The following MDGA2 variants were observed in gnomAD, a reference collection of about 807,000 sequenced individuals.
MDGA2 encodes the protein MAM domain-containing glycosylphosphatidylinositol anchor protein 2.
Under a neutral mutation model 117.8 loss-of-function variants are expected in MDGA2, and 40 were observed. The observed-to-expected ratio is 0.34, with a 90% confidence interval of 0.26 to 0.44. The LOEUF (loss-of-function observed/expected upper bound fraction) is 0.44, where lower values mean the gene tolerates loss of function less well. Among genes scored for constraint, MDGA2 ranks in the 20% least tolerant of loss-of-function variants. The pLI, the probability that MDGA2 is intolerant of heterozygous loss-of-function variation, is 1.00. For missense variants in MDGA2, 1,123 were observed against 1,250.6 expected, an observed-to-expected ratio of 0.90 and a Z score of 1.54; for synonymous variants, 452 against 439.0, an observed-to-expected ratio of 1.03 and a Z score of -0.37.
chr14:47,100,479 T>C (rs771223277), intron 5 of MDGA2, among the ~76,000 whole-genome samples: 8 of 152,180 alleles, frequency 5.3e-5, no homozygotes, highest in African/African-American at 1.4e-4. Flanking sequence ...TGGAAGGTCA[T>C]AGAGGTCATA....
At chr14:47,491,805 A>C (rs930924886) in intron 1 of MDGA2, among the ~76,000 whole-genome samples, 10 of 152,202 alleles carry the variant, frequency 6.6e-5, no homozygotes, top group African/African-American at 1.9e-4. Flanking sequence ...TCTGATTGAA[A>C]AAAAAAAGAC....
intron 1 of MDGA2, among the ~76,000 whole-genome samples, chr14:47,437,673 C>A (rs1892925518): frequency 6.6e-6 from 1 of 152,128 alleles, no homozygotes; most frequent in African/African-American, 2.4e-5. Context: ...CAAATGTGAT[C>A]AGGGAACTGG....
chr14:47,572,073 T>G (rs1439871417), intron 1 of MDGA2, among the ~76,000 whole-genome samples: 1 of 152,208 alleles, frequency 6.6e-6, no homozygotes, highest in Non-Finnish European at 1.5e-5. Context: ...ACATAGCATG[T>G]CTTCCATGTC....
intron 2 of MDGA2, among the ~76,000 whole-genome samples, chr14:47,241,571 C>T (rs1378804220): frequency 6.6e-6 from 1 of 151,760 alleles, no homozygotes; most frequent in African/African-American, 2.4e-5. Flanking sequence ...AATTAAAGGT[C>T]ACTCCTTGAA....
At chr14:47,332,383 C>A (rs1351843280) in intron 1 of MDGA2, among the ~76,000 whole-genome samples, 2 of 151,842 alleles carry the variant, frequency 1.3e-5, no homozygotes, top group East Asian at 3.9e-4. Context: ...GCTGTTGAAT[C>A]CAAACAACAT....
chr14:47,343,966 T>C (rs1000988026), intron 1 of MDGA2, among the ~76,000 whole-genome samples: 4 of 152,158 alleles, frequency 2.6e-5, no homozygotes, highest in African/African-American at 9.7e-5. Context: ...ATCCTGACTC[T>C]TGGAAAAGAG....
chr14:47,172,515 C>T (rs1388059992), intron 3 of MDGA2, among the ~76,000 whole-genome samples: 8 of 152,168 alleles, frequency 5.3e-5, no homozygotes, highest in East Asian at 1.9e-4. Flanking sequence ...CTGCAGCCAC[C>T]GCTGCTGATA....
At chr14:47,301,351 T>G (rs1202261298) in intron 2 of MDGA2, 60 bp downstream of exon 2, 14 of 1,533,498 alleles carry the variant, frequency 9.1e-6, no homozygotes, top group Non-Finnish European at 1.2e-5. Flanking sequence ...AAATATACAC[T>G]TTTTGACTTC....
At chr14:47,056,225 T>C (rs1006613210) in intron 7 of MDGA2, among the ~76,000 whole-genome samples, 2 of 152,184 alleles carry the variant, frequency 1.3e-5, no homozygotes, top group African/African-American at 4.8e-5. Flanking sequence ...TCATTTTTTC[T>C]GTTGCCCTCC....
chr14:47,176,438 G>T (rs1320382783), intron 3 of MDGA2, among the ~76,000 whole-genome samples: 1 of 152,088 alleles, frequency 6.6e-6, no homozygotes, highest in Non-Finnish European at 1.5e-5. Flanking sequence ...GCATGGTACT[G>T]GTACCAAAAC....
At chr14:47,265,798 AC>A (rs1220120435) in intron 2 of MDGA2, among the ~76,000 whole-genome samples, 1 of 152,170 alleles carries the variant, frequency 6.6e-6, no homozygotes, top group African/African-American at 2.4e-5. Context: ...CCATGTTAAT[AC>A]CAAATAAACT....
chr14:47,024,954 A>T (rs1008399014), intron 8 of MDGA2, among the ~76,000 whole-genome samples: 1 of 152,088 alleles, frequency 6.6e-6, no homozygotes, highest in Non-Finnish European at 1.5e-5. Flanking sequence ...AAATACAGCT[A>T]CTCCCTGCCA....
intron 1 of MDGA2, among the ~76,000 whole-genome samples, chr14:47,435,202 A>C (rs1173967705): frequency 2.0e-5 from 3 of 152,112 alleles, no homozygotes; most frequent in African/African-American, 7.2e-5. Context: ...AGGCAAATAC[A>C]GTTAGTTACC....
intron 1 of MDGA2, among the ~76,000 whole-genome samples, chr14:47,640,133 C>G (rs1897396946): frequency 6.6e-6 from 1 of 152,154 alleles, no homozygotes; most frequent in African/African-American, 2.4e-5. Context: ...AACATGGTCA[C>G]AACGTAAGTC....
At chr14:47,630,098 G>T (rs1313073967) in intron 1 of MDGA2, among the ~76,000 whole-genome samples, 2 of 151,672 alleles carry the variant, frequency 1.3e-5, no homozygotes, top group Admixed American at 6.6e-5. Flanking sequence ...AAAAAAGGAT[G>T]TATACCATTT....
At chr14:47,045,837 C>G (rs762418391) in intron 7 of MDGA2, among the ~76,000 whole-genome samples, 13 of 151,848 alleles carry the variant, frequency 8.6e-5, no homozygotes, top group African/African-American at 1.2e-4. Context: ...TGGTGGCGGG[C>G]GCCTGTAATC....
intron 8 of MDGA2, among the ~76,000 whole-genome samples, chr14:47,016,604 T>C (rs1468770881): frequency 6.6e-6 from 1 of 151,990 alleles, no homozygotes; most frequent in Admixed American, 6.6e-5. Context: ...AGGAAACAGC[T>C]CAAAACCATC....
At chr14:47,105,950 G>C in intron 5 of MDGA2, among the ~76,000 whole-genome samples, 1 of 103,574 alleles carries the variant, frequency 9.7e-6, no homozygotes, top group Non-Finnish European at 1.9e-5. Context: ...ACCTGGTCCG[G>C]CTTACAGTTT....
chr14:47,125,595 GA>G (rs926736158), intron 5 of MDGA2, among the ~76,000 whole-genome samples: 1 of 151,582 alleles, frequency 6.6e-6, no homozygotes, highest in East Asian at 1.9e-4. Flanking sequence ...GAAGAGAAAG[GA>G]AAAAAAATTG....
Sources: allele counts gnomAD v4.1 joint callset (sites outside exome capture counted in the v4.1 genomes callset), GRCh38; gene constraint gnomAD v4.1.1; transcripts MANE v1.5; gene names NCBI Gene and HGNC (gene_info 2026-07-23, HGNC 2026-07-21).